Variants in SRCAP observed in about 807,000 individuals in gnomAD.
SRCAP encodes chromatin remodeling protein SRCAP.
In SRCAP, 46 loss-of-function variants were observed where a neutral mutation model predicts 263.1. That is an observed-to-expected ratio of 0.17 (90% CI 0.14 to 0.22). The LOEUF (loss-of-function observed/expected upper bound fraction) is 0.22, where lower values mean the gene tolerates loss of function less well. SRCAP is among the 10% of genes least tolerant of loss of function. SRCAP has a pLI of 1.00. For synonymous variants in SRCAP, 1,813 were observed against 1,662.1 expected, an observed-to-expected ratio of 1.09 and a Z score of -2.21; for missense variants, 3,695 against 4,181.9, an observed-to-expected ratio of 0.88 and a Z score of 3.21.
At chr16:30,723,498 A>G in intron 24 of SRCAP, 86 bp from the exon 25 acceptor site, 1 of 1,517,334 alleles carries the variant, frequency 6.6e-7, no homozygotes, top group South Asian at 1.3e-5. Flanking sequence ...GGAAATGGGA[A>G]GCTTGGGGGT....
chr16:30,736,990 C>G (rs910140513), intron 33 of SRCAP, 59 bp from the exon 34 acceptor site: 8 of 1,512,102 alleles, frequency 5.3e-6, no homozygotes, highest in Non-Finnish European at 5.3e-6. Flanking sequence ...CTGCTAATTT[C>G]TACTCACTCT....
intron 25 of SRCAP, among the ~76,000 whole-genome samples, chr16:30,727,512 A>G (rs11150594): frequency 0.97 from 148,188 of 152,204 alleles, 72,237 homozygotes; most frequent in Middle Eastern, 1. Flanking sequence ...TCAGCCCTCC[A>G]AGTAGCTGGG....
In SRCAP at chr16:30,704,182, A is replaced by G. The variant is rs1002367639; in HGVS notation, c.173A>G (p.Asp58Gly). ...PQHIAQDSSL[D>G]GPPGPPDGAT... ...CACATAGCTCAAGATTCCTCACTGG[A>G]TGGACCTCCAGGCCCCCCAGATGGT... Residue 58 changes from aspartate to glycine, a missense_variant, in exon 4 of 34, where the codon GAT becomes GGT. This residue lies in a region of SRCAP where 122 missense variants were observed against 116.9 expected (regional missense o/e 1.04). Transcript: ENST00000262518. 1.9e-6 allele frequency: 3 copies of G among 1,614,106 alleles called. No homozygotes were observed. Among genetic ancestry groups the G allele is most frequent in the Non-Finnish European group, 2.5e-6 (3 of 1,180,000 alleles).
At chr16:30,734,463 G>T in intron 30 of SRCAP, 33 bp from the exon 31 acceptor site, 1 of 1,612,796 alleles carries the variant, frequency 6.2e-7, no homozygotes, top group African/African-American at 1.3e-5. Flanking sequence ...GCATTCTGTT[G>T]ACTCTGACAC....
At chr16:30,700,929 A>G (rs2052758600) in intron 3 of SRCAP, 51 bp downstream of exon 3, 1 of 1,581,282 alleles carries the variant, frequency 6.3e-7, no homozygotes, top group African/African-American at 1.3e-5. Context: ...TGGATTGTTG[A>G]GTGTGAGGCA....
chr16:30,721,295 A>G lies in SRCAP; in HGVS notation c.3360A>G (p.Pro1120=). ...CCCCAGTTCGCCTGAGCCCAGCCCC[A>G]CCTCCAGGCTCCTCTAGCCTGTTGA... is the stretch of plus-strand genomic sequence containing the variant. ...PPAPVRLSPA[P]PPGSSSLLKP... is the part of the protein sequence containing the mutation. The change falls in exon 21 of 34, where the codon CCA becomes CCG. Residue 1120 remains proline (P), a synonymous_variant. Coordinates refer to ENST00000262518, the MANE Select transcript of SRCAP (RefSeq NM_006662.3). 6.2e-7 allele frequency: 1 copy of G among 1,614,024 alleles called. No individual in the cohort carries two copies. Among genetic ancestry groups the G allele is most frequent in the Non-Finnish European group, 8.5e-7 (1 of 1,179,998 alleles).
chr16:30,737,123 G>A lies in SRCAP; in HGVS notation c.7083G>A (p.Glu2361=). ...EEVFRLPQEE[E]EGPGAGDESS... The stretch of plus-strand genomic sequence containing the variant: ...TGTTCCGCCTACCCCAAGAGGAGGA[G>A]GAGGGGCCGGGGGCTGGGGATGAGA... Residue 2361 remains glutamate (E), a synonymous_variant, in exon 34 of 34, where the codon GAG becomes GAA. Transcript: ENST00000262518. 2 of 1,613,802 alleles carry A rather than the reference G, an allele frequency of 1.2e-6. No homozygotes were observed. Among genetic ancestry groups the A allele is most frequent in the Non-Finnish European group, 1.7e-6 (2 of 1,179,792 alleles).
At chr16:30,729,296 G>A in intron 26 of SRCAP, 65 bp downstream of exon 26, 3 of 1,603,610 alleles carry the variant, frequency 1.9e-6, no homozygotes, top group Non-Finnish European at 2.6e-6. Context: ...TAGTGCTTAG[G>A]GCTGGTGAAG....
intron 17 of SRCAP, 31 bp from the exon 18 acceptor site, chr16:30,716,262 G>C: frequency 6.2e-7 from 1 of 1,613,428 alleles, no homozygotes; most frequent in Non-Finnish European, 8.5e-7. Flanking sequence ...TGGCTGTTAG[G>C]ACGTCTCATT....
intron 4 of SRCAP, among the ~76,000 whole-genome samples, chr16:30,705,690 C>T (rs1029099101): frequency 6.7e-6 from 1 of 148,426 alleles, no homozygotes; most frequent in African/African-American, 2.5e-5. Context: ...TGAGCCACTG[C>T]GCCCGGCCAC....
At chr16:30,703,149 C>CTATATATATATA (rs368190667) in intron 3 of SRCAP, among the ~76,000 whole-genome samples, 1,832 of 143,270 alleles carry the variant, frequency 0.013, 33 homozygotes, top group African/African-American at 0.044. Context: ...AAATCATATG[C>CTATATATATATA]TATATATATA....
At chr16:30,715,213 T>C (rs1272484649) in intron 16 of SRCAP, among the ~76,000 whole-genome samples, 6 of 152,270 alleles carry the variant, frequency 3.9e-5, no homozygotes, top group Non-Finnish European at 8.8e-5. Flanking sequence ...TCTGGCCTTA[T>C]AGCCTGTTAT....
At chr16:30,734,076 A>G in intron 30 of SRCAP, 68 bp downstream of exon 30, 1 of 1,377,570 alleles carries the variant, frequency 7.3e-7, no homozygotes, top group Non-Finnish European at 1.0e-6. Flanking sequence ...CCTCCTGTTT[A>G]TTAAAGAAGA....
chr16:30,710,034 C>T lies in SRCAP; in HGVS notation c.1040C>T (p.Pro347Leu). The T allele has an allele frequency of 6.2e-7, 1 of 1,614,134 alleles. No homozygotes were observed. Among genetic ancestry groups the T allele is most frequent in the Non-Finnish European group, 8.5e-7 (1 of 1,180,026 alleles). The change falls in exon 8 of 34, where the codon CCT (proline) becomes CTT (leucine). Residue 347 changes from proline to leucine, a missense_variant. This residue lies in a region of SRCAP where 288 missense variants were observed against 302.4 expected (regional missense o/e 0.95). Coordinates refer to ENST00000262518, the MANE Select transcript of SRCAP (RefSeq NM_006662.3). ...CTTCCCCCTCAGCTGTTGGAAGGGC[C>T]TTCCAGCCCCTCTCAAACCCCCTCA... is the stretch of plus-strand genomic sequence containing the variant. ...RSLPPQLLEGPSSPSQTPSSH... is the reference protein window; with the variant it reads ...RSLPPQLLEGLSSPSQTPSSH...
intron 30 of SRCAP, 72 bp from the exon 31 acceptor site, chr16:30,734,424 A>G (rs2053140091): frequency 1.3e-6 from 2 of 1,589,792 alleles, no homozygotes; most frequent in Non-Finnish European, 1.7e-6. Context: ...TCCAAGAACC[A>G]TCAGCCTTAC....
chr16:30,737,523 TCTTCTCCTGCCTGCACCC>T lies in SRCAP; in HGVS notation c.7486_7503del (p.Ser2496_Pro2501del). On this transcript the variant is annotated inframe_deletion, in exon 34 of 34. Coordinates refer to ENST00000262518, the MANE Select transcript of SRCAP (RefSeq NM_006662.3). ...CCCTCCTTCACAGATTCCTCCTTGT[TCTTCTCCTGCCTGCACCC>T]CTCCTCCTGCCTGTACCCCTCCACC... 6.2e-7 allele frequency: 1 copy of T among 1,606,124 alleles called. No individual in the cohort carries two copies. The highest frequency in any genetic ancestry group is 1.3e-5 in the African/African-American group (1 of 74,842).
Position 30,738,336 on chromosome 16 carries a change from C to T in SRCAP, c.8296C>T (p.Arg2766Trp), listed in dbSNP as rs1285273422. Residue 2766 changes from arginine (R) to tryptophan (W), a missense_variant, in exon 34 of 34, where the codon CGG (arginine) becomes TGG (tryptophan). Transcript: ENST00000262518. ...TVVEEKELVR[R>W]RRQQRGAAST... Reference sequence around the variant, plus strand: ...GGTAGAGGAAAAGGAACTGGTGCGGCGGCGGCGGCAGCAGCGGGGAGCTGC... The same window carrying T: ...GGTAGAGGAAAAGGAACTGGTGCGGTGGCGGCGGCAGCAGCGGGGAGCTGC... The T allele has an allele frequency of 5.1e-6, 8 of 1,576,184 alleles. No homozygotes were observed. Among genetic ancestry groups the T allele is most frequent in the East Asian group, 2.2e-5 (1 of 44,572 alleles).
At chr16:30,709,767 C>T in intron 7 of SRCAP, 32 bp downstream of exon 7, 1 of 1,613,958 alleles carries the variant, frequency 6.2e-7, no homozygotes, top group South Asian at 1.1e-5. Flanking sequence ...GTTACTCTTC[C>T]TCATGTACCC....
chr16:30,723,590 C>T lies in SRCAP; in HGVS notation c.4166C>T (p.Ala1389Val), dbSNP rs1187326211. ...HSPSPEVSAS[A>V]PGAAPLTISS... Reference sequence around the variant, plus strand: ...TCATCCTCTCTCTCCACAGCTTCAGCCCCCGGAGCTGCCCCCTTGACCATC... The same window carrying T: ...TCATCCTCTCTCTCCACAGCTTCAGTCCCCGGAGCTGCCCCCTTGACCATC... The change falls in exon 25 of 34, where the codon GCC (alanine) becomes GTC (valine). Residue 1389 changes from alanine to valine, a missense_variant. Coordinates refer to ENST00000262518, the MANE Select transcript of SRCAP (RefSeq NM_006662.3). The T allele has an allele frequency of 6.2e-6, 10 of 1,611,264 alleles. No individual in the cohort carries two copies. The highest frequency in any genetic ancestry group is 8.5e-6 in the Non-Finnish European group (10 of 1,178,502).
Sources: allele counts gnomAD v4.1 joint callset (sites outside exome capture counted in the v4.1 genomes callset), GRCh38; gene constraint gnomAD v4.1.1; regional missense constraint gnomAD v4.1.1; transcripts MANE v1.5; gene names NCBI Gene and HGNC (gene_info 2026-07-23, HGNC 2026-07-21).